Variants in NBAS observed in about 807,000 individuals in gnomAD.
NBAS encodes NBAS subunit of NRZ tethering complex.
A neutral mutation model predicts 302.5 loss-of-function variants in NBAS; 219 were observed. That is an observed-to-expected ratio of 0.72 (90% CI 0.65 to 0.81). The LOEUF (loss-of-function observed/expected upper bound fraction) is 0.81. Ranked by LOEUF, NBAS falls within the 30% of genes least tolerant of loss-of-function variation. NBAS has a pLI of 0.00. For synonymous variants in NBAS, 1,118 were observed against 1,021.6 expected (o/e 1.09, Z -1.80); for missense variants, 2,932 against 2,841.6 (o/e 1.03, Z -0.72).
At chr2:15,473,375 T>C (rs539213125) in intron 15 of NBAS, 28 bp from the exon 16 acceptor site, 3 of 1,612,356 alleles carry the variant, frequency 1.9e-6, no homozygotes, top group African/African-American at 1.3e-5. Flanking sequence ...AGGACAGGAA[T>C]GTTACATGAC....
intron 40 of NBAS, among the ~76,000 whole-genome samples, chr2:15,307,240 C>T (rs1260711711): frequency 1.3e-5 from 2 of 152,206 alleles, no homozygotes; most frequent in Non-Finnish European, 2.9e-5. Flanking sequence ...AAATCTAAAA[C>T]GGGCTTTCCT....
Position 15,462,227 on chromosome 2 carries a change from G to A in NBAS, c.2098-436C>T, listed in dbSNP as rs996802141. Among the ~76,000 whole-genome samples, 19 of 152,264 alleles carry A rather than the reference G, an allele frequency of 1.2e-4. No individual in the cohort carries two copies. In the South Asian group the frequency reaches 3.5e-3, roughly 28 times the overall value. On this transcript the variant is annotated intron_variant, in intron 19 of 51. Transcript: ENST00000281513. ...ATATTAACCGAGTGCCACTCACCAT[G>A]TGCTAAGGGAGCTGTGATAGGCACT...
the NBAS span, among the ~76,000 whole-genome samples, chr2:14,922,232 T>C: frequency 1.3e-5 from 2 of 152,200 alleles, no homozygotes; most frequent in Non-Finnish European, 2.9e-5. Flanking sequence ...TTTCCTTTAC[T>C]GGACACTGGC....
chr2:15,374,480 A>G, intron 31 of NBAS, 128 bp downstream of exon 31: 1 of 784,294 alleles, frequency 1.3e-6, no homozygotes, highest in Non-Finnish European at 2.2e-6. Context: ...TAATGGGTCA[A>G]GGGCAGGATC....
At chr2:15,461,539 G>A in intron 20 of NBAS, 148 bp downstream of exon 20, 1 of 737,366 alleles carries the variant, frequency 1.4e-6, no homozygotes, top group Non-Finnish European at 2.2e-6. Flanking sequence ...CAGAATGATG[G>A]ATATTAAATT....
chr2:15,327,415 A>G (rs1247128542), intron 38 of NBAS, among the ~76,000 whole-genome samples: 2 of 152,240 alleles, frequency 1.3e-5, no homozygotes, highest in African/African-American at 4.8e-5. Context: ...TATGATCTAC[A>G]TTCTATTAAG....
chr2:14,844,134 A>G, the NBAS span, among the ~76,000 whole-genome samples: 1 of 152,180 alleles, frequency 6.6e-6, no homozygotes, highest in Non-Finnish European at 1.5e-5. Context: ...TGTGACTACA[A>G]AGAAGATACC....
chr2:15,286,060 A>G (rs1670028559), intron 42 of NBAS, among the ~76,000 whole-genome samples: 1 of 152,192 alleles, frequency 6.6e-6, no homozygotes, highest in Non-Finnish European at 1.5e-5. Context: ...AACAAGGAAG[A>G]ACCTAGGGAT....
intron 8 of NBAS, among the ~76,000 whole-genome samples, chr2:15,535,766 T>A (rs1231715768): frequency 6.6e-6 from 1 of 152,198 alleles, no homozygotes; most frequent in Admixed American, 6.5e-5. Flanking sequence ...TTTGAATGTT[T>A]TCAATCCACA....
chr2:15,177,359 A>G (rs550562403), intron 51 of NBAS, among the ~76,000 whole-genome samples: 1 of 152,320 alleles, frequency 6.6e-6, no homozygotes, highest in South Asian at 2.1e-4. Context: ...GTTACTGTGT[A>G]GGTATGTGGG....
At chr2:15,059,207 T>G in the NBAS span, among the ~76,000 whole-genome samples, 1 of 152,158 alleles carries the variant, frequency 6.6e-6, no homozygotes, top group African/African-American at 2.4e-5. Flanking sequence ...ATTTGTAAAC[T>G]CCAGTGGGCT....
the NBAS span, among the ~76,000 whole-genome samples, chr2:14,894,654 T>A: frequency 1.3e-5 from 2 of 152,132 alleles, no homozygotes; most frequent in Non-Finnish European, 2.9e-5. Flanking sequence ...ACTGCCATAT[T>A]GAAGGGAAGG....
At chr2:15,256,510 T>A (rs1464845197) in intron 44 of NBAS, among the ~76,000 whole-genome samples, 1 of 152,190 alleles carries the variant, frequency 6.6e-6, no homozygotes, top group Non-Finnish European at 1.5e-5. Context: ...CTGTTTGACT[T>A]CTTCTTTACC....
At chr2:15,223,393 A>C (rs949979717) in intron 47 of NBAS, among the ~76,000 whole-genome samples, 1 of 152,158 alleles carries the variant, frequency 6.6e-6, no homozygotes, top group Non-Finnish European at 1.5e-5. Context: ...AACAGGTAAA[A>C]AACCGCAATT....
chr2:14,803,670 G>C, the NBAS span, among the ~76,000 whole-genome samples: 4 of 151,894 alleles, frequency 2.6e-5, no homozygotes, highest in African/African-American at 7.3e-5. Context: ...TTGTTTTTGA[G>C]ATGGAGTCTT....
rs113981289 is a variant in NBAS, at chr2:15,466,395, A to G, written c.2097+934T>C. On this transcript the variant is annotated intron_variant, in intron 19 of 51. Transcript: ENST00000281513. ...CCTTAAAATCTGGAGAACTTCAGCT[A>G]TAAGAGTCATGTGAAAAAGCAACCT... 9.6e-3 allele frequency among the ~76,000 whole-genome samples: 1,464 copies of G among 152,318 alleles called. 17 individuals carry two copies. Among genetic ancestry groups the G allele is most frequent in the African/African-American group, 0.03 (1,255 of 41,572 alleles).
chr2:15,199,433 TA>T (rs1380742899), intron 48 of NBAS, among the ~76,000 whole-genome samples: 1 of 152,148 alleles, frequency 6.6e-6, no homozygotes, highest in African/African-American at 2.4e-5. Flanking sequence ...ATAGTACCTA[TA>T]AAATACATAT....
intron 44 of NBAS, among the ~76,000 whole-genome samples, chr2:15,255,180 C>A (rs748394287): frequency 6.6e-5 from 10 of 152,278 alleles, no homozygotes; most frequent in Non-Finnish European, 1.5e-4. Flanking sequence ...TACATTCCCA[C>A]CAGCAGTGTA....
At chr2:15,049,081 T>C in the NBAS span, among the ~76,000 whole-genome samples, 2 of 152,108 alleles carry the variant, frequency 1.3e-5, no homozygotes, top group Non-Finnish European at 2.9e-5. Context: ...GGAGGTGACA[T>C]TTAAGGAATT....
Sources: gnomAD v4.1 joint callset for allele counts (sites outside exome capture counted in the v4.1 genomes callset) on GRCh38, gnomAD v4.1.1 for gene constraint, MANE v1.5 for transcripts, NCBI Gene and HGNC (gene_info 2026-07-23, HGNC 2026-07-21) for gene names.